Variants in NPTXR observed in about 807,000 individuals in gnomAD.
The protein encoded by NPTXR is neuronal pentraxin receptor.
Under a neutral mutation model 32.2 loss-of-function variants are expected in NPTXR, and 12 were observed. That is an observed-to-expected ratio of 0.37 (90% CI 0.24 to 0.60). The LOEUF is 0.60. Ranked by LOEUF, NPTXR falls within the 20% of genes least tolerant of loss-of-function variation. The pLI, the probability that NPTXR is intolerant of heterozygous loss-of-function variation, is 0.66. For missense variants in NPTXR, 612 were observed against 682.9 expected (o/e 0.90, Z 1.16); for synonymous variants, 323 against 315.8 (o/e 1.02, Z -0.24).
At chr22:38,836,240 C>T (rs1010955148) in intron 1 of NPTXR, among the ~76,000 whole-genome samples, 2 of 152,188 alleles carry the variant, frequency 1.3e-5, no homozygotes, top group Non-Finnish European at 2.9e-5. Context: ...ATATATGCCC[C>T]TCTTGCAACC....
Position 38,822,792 on chromosome 22 carries a change from G to T in NPTXR, c.1320C>A (p.Val440=). The T allele has an allele frequency of 6.2e-7, 1 of 1,614,074 alleles. No homozygotes were observed. The highest frequency in any genetic ancestry group is 1.1e-5 in the South Asian group (1 of 91,048). ...ACAGGTTAAACTGGGCAATGTCACC[G>T]ACAAAGGCCTGGGTGGCATCAAACC... The change falls in exon 5 of 5, where the codon GTC becomes GTA. Residue 440 remains valine, a synonymous_variant. Transcript: ENST00000333039.
rs145691877 is a variant in NPTXR, at chr22:38,831,961, C to T, written c.625-3449G>A. ...GCAATGGGGCTGGGCCAAACCGATA[C>T]CCCTGGAGCCAGCATCTCCTCTCTC... On this transcript the variant is annotated intron_variant, in intron 1 of 4. Transcript: ENST00000333039. Among the ~76,000 whole-genome samples, 445 of 152,176 alleles carry T rather than the reference C, an allele frequency of 2.9e-3. 2 individuals carry two copies. Among genetic ancestry groups the T allele is most frequent in the African/African-American group, 0.01 (427 of 41,532 alleles).
chr22:38,824,533 C>T (rs2093103301), intron 3 of NPTXR, among the ~76,000 whole-genome samples: 1 of 152,158 alleles, frequency 6.6e-6, no homozygotes, highest in African/African-American at 2.4e-5. Flanking sequence ...TCTGGAAGGA[C>T]AATGGATCCA....
chr22:38,836,729 G>A (rs2093124500), intron 1 of NPTXR, among the ~76,000 whole-genome samples: 1 of 151,762 alleles, frequency 6.6e-6, no homozygotes, highest in South Asian at 2.1e-4. Context: ...TACGATTTGT[G>A]TCTGTTTAAG....
rs535898267 is a variant in NPTXR at position 38,841,257 on chromosome 22, C to G, written c.624+1978G>C. ...AAGCAGACCTGGTGGCCAAGCAGGG[C>G]CCCGCCCTTCTCTGTCTGTGGCTGC... On this transcript the variant is annotated intron_variant, in intron 1 of 4. Transcript: ENST00000333039. 1.7e-3 allele frequency among the ~76,000 whole-genome samples: 254 copies of G among 152,366 alleles called. 1 individual carries two copies. The highest frequency in any genetic ancestry group is 3.4e-3 in the Middle Eastern group (1 of 294).
chr22:38,842,179 C>A (rs1262399814), intron 1 of NPTXR, among the ~76,000 whole-genome samples: 1 of 152,230 alleles, frequency 6.6e-6, no homozygotes. Context: ...ATTTACTCCC[C>A]GCCTCTCTCC....
In NPTXR at chr22:38,843,159, G is replaced by C; in HGVS notation, c.624+76C>G. 8.2e-7 allele frequency: 1 copy of C among 1,221,836 alleles called. No homozygotes were observed. Among genetic ancestry groups the C allele is most frequent in the African/African-American group, 1.6e-5 (1 of 63,282 alleles). 75.7% of individuals were successfully genotyped at this position (1,221,836 alleles called of 1,614,324 possible). On this transcript the variant is annotated intron_variant, in intron 1 of 4. Transcript: ENST00000333039. This position sits in a 1 kb window ranked among gnomAD's most constrained non-coding sequence, Gnocchi z 5.3. ...ACACAGACGGGAGACCGGAGGCTCG[G>C]GGACCGCCGGACGACCGCGGCCGGG... is the stretch of plus-strand genomic sequence containing the variant.
chr22:38,819,804 T>G lies in NPTXR; in HGVS notation c.*2805A>C, dbSNP rs1374479298. The G allele has an allele frequency of 2.0e-5, 3 of 152,596 alleles. No homozygotes were observed. In the East Asian group the frequency reaches 5.8e-4, roughly 29 times the overall value. 9.5% of individuals were successfully genotyped at this position (152,596 alleles called of 1,614,324 possible). On this transcript the variant is annotated 3_prime_UTR_variant, in exon 5 of 5. Transcript: ENST00000333039. ...GTCTGACTCCTCTTTCCCTGTCTGC[T>G]TGGATGTGCTCAGGGGCAGCAGAAG...
chr22:38,843,638 A>G lies in NPTXR; in HGVS notation c.221T>C (p.Leu74Pro). 9.1e-7 allele frequency: 1 copy of G among 1,093,382 alleles called. No homozygotes were observed. Among genetic ancestry groups the G allele is most frequent in the Non-Finnish European group, 1.1e-6 (1 of 902,258 alleles). 67.7% of individuals were successfully genotyped at this position (1,093,382 alleles called of 1,614,324 possible). ...CGCGCTGGCCGCGGGTGCCCCGGGC[A>G]GCGCGGGGGGCCCGGCTGAACCGCC... Residue 74 changes from leucine to proline, a missense_variant, in exon 1 of 5, where the codon CTG becomes CCG. Coordinates refer to ENST00000333039, the MANE Select transcript of NPTXR (RefSeq NM_014293.4). The surrounding 1 kb of genome is among the most constrained non-coding windows in gnomAD (Gnocchi z 5.3).
Position 38,843,489 on chromosome 22 carries a change from G to A in NPTXR, c.370C>T (p.Leu124=). 1 of 1,298,626 alleles carries A rather than the reference G, an allele frequency of 7.7e-7. No homozygotes were observed. Among genetic ancestry groups the A allele is most frequent in the Non-Finnish European group, 9.7e-7 (1 of 1,025,870 alleles). 80.4% of individuals were successfully genotyped at this position (1,298,626 alleles called of 1,614,324 possible). ...TGCTCGGCCGTGCTCTGCAGCAGCA[G>A]CAGCTCTTCGCGCTCGCCCGGCGCA... Residue 124 remains leucine (L), a synonymous_variant, in exon 1 of 5, where the codon CTG becomes TTG. Coordinates refer to ENST00000333039, the MANE Select transcript of NPTXR (RefSeq NM_014293.4). This position sits in a 1 kb window ranked among gnomAD's most constrained non-coding sequence, Gnocchi z 5.3.
rs1291942712 is a variant in NPTXR, at chr22:38,843,977, G to C, written c.-119C>G. ...GGCGCGGGAGCCGGAGCCGGAGCCG[G>C]AGCCGGAGCCGGAGCTGGAGCTGTC... On this transcript the variant is annotated 5_prime_UTR_variant, in exon 1 of 5. Transcript: ENST00000333039. This position sits in a 1 kb window ranked among gnomAD's most constrained non-coding sequence, Gnocchi z 5.3. 9.4e-6 allele frequency: 4 copies of C among 423,838 alleles called. No homozygotes were observed. In the East Asian group the frequency reaches 4.8e-4, roughly 51 times the overall value. The allele number at this position is 423,838 out of a possible 1,614,324, so 26.3% of individuals were successfully genotyped here.
chr22:38,824,752 G>A (rs2093103717), intron 3 of NPTXR, among the ~76,000 whole-genome samples: 3 of 152,172 alleles, frequency 2.0e-5, no homozygotes, highest in Admixed American at 1.3e-4. Context: ...GGCCAAGGAC[G>A]GCAGCCAGGG....
chr22:38,826,541 C>G lies in NPTXR; in HGVS notation c.1057G>C (p.Glu353Gln). 1 of 1,613,998 alleles carries G rather than the reference C, an allele frequency of 6.2e-7. No individual in the cohort carries two copies. Among genetic ancestry groups the G allele is most frequent in the Non-Finnish European group, 8.5e-7 (1 of 1,179,928 alleles). Residue 353 changes from glutamate to glutamine, a missense_variant, in exon 3 of 5, where the codon GAG becomes CAG. By Grantham distance (29) the Glu-to-Gln change is conservative. Transcript: ENST00000333039. Reference sequence around the variant, plus strand: ...AGCTCCATGGGCTCATGGCCCGCCTCTAGCAGTACAATCTCGTTGGCCTGC... The same window carrying G: ...AGCTCCATGGGCTCATGGCCCGCCTGTAGCAGTACAATCTCGTTGGCCTGC...
At position 38,843,164 on chromosome 22, in the gene NPTXR, C is replaced by G. The variant is rs1256860341; in HGVS notation, c.624+71G>C. On this transcript the variant is annotated intron_variant, in intron 1 of 4. Coordinates refer to ENST00000333039, the MANE Select transcript of NPTXR (RefSeq NM_014293.4). This position sits in a 1 kb window ranked among gnomAD's most constrained non-coding sequence, Gnocchi z 5.3. ...GACGGGAGACCGGAGGCTCGGGGAC[C>G]GCCGGACGACCGCGGCCGGGCGGCC... The G allele has an allele frequency of 7.8e-5, 97 of 1,242,122 alleles. No homozygotes were observed. In the East Asian group the frequency reaches 2.1e-3, roughly 27 times the overall value. 76.9% of individuals were successfully genotyped at this position (1,242,122 alleles called of 1,614,324 possible).
Position 38,822,750 on chromosome 22 carries a change from T to G in NPTXR, c.1362A>C (p.Thr454=). 1.2e-6 allele frequency: 2 copies of G among 1,614,142 alleles called. No individual in the cohort carries two copies. Among genetic ancestry groups the G allele is most frequent in the Non-Finnish European group, 1.7e-6 (2 of 1,179,990 alleles). Reference sequence around the variant, plus strand: ...TGGCAATGCCCAGGACCTGGGCTGGTGTCAGGGCGTGGTCCCACAGGTTAA... The same window carrying G: ...TGGCAATGCCCAGGACCTGGGCTGGGGTCAGGGCGTGGTCCCACAGGTTAA... The change falls in exon 5 of 5, where the codon ACA becomes ACC. Residue 454 remains threonine (T), a synonymous_variant. Transcript: ENST00000333039.
chr22:38,828,565 G>A (rs144329013), intron 1 of NPTXR, 53 bp from the exon 2 acceptor site: 347 of 1,444,510 alleles, frequency 2.4e-4, no homozygotes, highest in East Asian at 8.7e-4. Context: ...AGGACAGGCT[G>A]GGAACACTCA....
intron 3 of NPTXR, among the ~76,000 whole-genome samples, chr22:38,825,817 G>C (rs142471246): frequency 6.7e-6 from 1 of 150,070 alleles, no homozygotes; most frequent in East Asian, 2.0e-4. Context: ...AGGTAGGTCT[G>C]TGCACCTCCC....
chr22:38,829,497 GT>G (rs942518197), intron 1 of NPTXR, among the ~76,000 whole-genome samples: 8 of 152,308 alleles, frequency 5.3e-5, no homozygotes, highest in African/African-American at 1.7e-4. Flanking sequence ...TGGCAGACAT[GT>G]CACAGAAATG....
At position 38,843,632 on chromosome 22, in the gene NPTXR, C is replaced by T. The variant is rs1398123477; in HGVS notation, c.227G>A (p.Gly76Glu). 2 of 1,112,824 alleles carry T rather than the reference C, an allele frequency of 1.8e-6. No individual in the cohort carries two copies. The highest frequency in any genetic ancestry group is 4.3e-5 in the South Asian group (1 of 23,278). 68.9% of individuals were successfully genotyped at this position (1,112,824 alleles called of 1,614,324 possible). Residue 76 changes from glycine (G) to glutamate (E), a missense_variant, in exon 1 of 5, where the codon GGG (glycine) becomes GAG (glutamate). By Grantham distance (98) the Gly-to-Glu change is moderately conservative. Transcript: ENST00000333039. This position sits in a 1 kb window ranked among gnomAD's most constrained non-coding sequence, Gnocchi z 5.3. The stretch of plus-strand genomic sequence containing the variant: ...CGGGTGCGCGCTGGCCGCGGGTGCC[C>T]CGGGCAGCGCGGGGGGCCCGGCTGA...
Sources: allele counts gnomAD v4.1 joint callset (sites outside exome capture counted in the v4.1 genomes callset), GRCh38; gene constraint gnomAD v4.1.1; non-coding constraint Gnocchi (gnomAD v3.1); transcripts MANE v1.5; gene names NCBI Gene and HGNC (gene_info 2026-07-23, HGNC 2026-07-21).